OPCML: variants seen among roughly 807,000 people sequenced by gnomAD.
The protein encoded by OPCML is opioid-binding protein/cell adhesion molecule.
OPCML carries 13 observed loss-of-function variants against 37.8 expected under a neutral mutation model. The ratio of observed to expected loss-of-function variants is 0.34; its 90% CI spans 0.22 to 0.55. The LOEUF (loss-of-function observed/expected upper bound fraction) is 0.55, where lower values mean the gene tolerates loss of function less well. Among genes scored for constraint, OPCML ranks in the 20% least tolerant of loss-of-function variants. OPCML has a pLI of 0.91. For synonymous variants in OPCML, 176 were observed against 168.8 expected (o/e 1.04, Z -0.33); for missense variants, 341 against 435.6 (o/e 0.78, Z 1.93).
intron 2 of OPCML, among the ~76,000 whole-genome samples, chr11:132,870,632 C>T (rs377488348): frequency 2.6e-5 from 4 of 151,960 alleles, no homozygotes; most frequent in East Asian, 1.9e-4. Flanking sequence ...TGACAATAGC[C>T]GAGATAATAT....
At chr11:133,413,518 CA>C (rs1028392596) in intron 1 of OPCML, among the ~76,000 whole-genome samples, 1 of 150,894 alleles carries the variant, frequency 6.6e-6, no homozygotes, top group African/African-American at 2.4e-5. Context: ...TAAAAACAAA[CA>C]AAAAAAAGAA....
chr11:133,449,172 A>G (rs1946529552), intron 1 of OPCML, among the ~76,000 whole-genome samples: 1 of 152,256 alleles, frequency 6.6e-6, no homozygotes, highest in Non-Finnish European at 1.5e-5. Context: ...ACATGATCAT[A>G]GAAGATGTAC....
chr11:133,195,226 C>T (rs2136308962), intron 1 of OPCML, among the ~76,000 whole-genome samples: 1 of 152,260 alleles, frequency 6.6e-6, no homozygotes, highest in Non-Finnish European at 1.5e-5. Flanking sequence ...TTTAGTAAAA[C>T]TCTGACTGTT....
intron 2 of OPCML, among the ~76,000 whole-genome samples, chr11:132,936,755 G>A (rs1225254710): frequency 2.6e-5 from 4 of 152,126 alleles, no homozygotes; most frequent in Non-Finnish European, 4.4e-5. Context: ...GCATCAAGTA[G>A]GTAGTGTCAT....
At chr11:132,836,305 C>G (rs959482218) in intron 2 of OPCML, among the ~76,000 whole-genome samples, 7 of 152,114 alleles carry the variant, frequency 4.6e-5, no homozygotes, top group Non-Finnish European at 1.0e-4. Context: ...AATACCCTGC[C>G]TGCTCAGCAT....
At chr11:133,089,561 G>T (rs1465641442) in intron 1 of OPCML, among the ~76,000 whole-genome samples, 1 of 152,144 alleles carries the variant, frequency 6.6e-6, no homozygotes, top group Admixed American at 6.5e-5. Flanking sequence ...TTCTGACAAG[G>T]TCCCCACTCT....
At chr11:132,964,763 A>C (rs1300313393) in intron 1 of OPCML, among the ~76,000 whole-genome samples, 1 of 152,144 alleles carries the variant, frequency 6.6e-6, no homozygotes, top group African/African-American at 2.4e-5. Flanking sequence ...TTGACATGGA[A>C]TAGTGGGTAA....
chr11:133,413,130 G>A (rs1489648849), intron 1 of OPCML, among the ~76,000 whole-genome samples: 1 of 152,134 alleles, frequency 6.6e-6, no homozygotes, highest in East Asian at 1.9e-4. Flanking sequence ...GGAGGGCAGT[G>A]ATCACAGGGG....
chr11:133,296,226 G>T (rs1335535473), intron 1 of OPCML, among the ~76,000 whole-genome samples: 1 of 152,190 alleles, frequency 6.6e-6, no homozygotes, highest in East Asian at 1.9e-4. Context: ...CGTTTTCATT[G>T]ATTTGGCAGA....
At chr11:132,954,126 T>TTTTTG (rs1555061171) in intron 1 of OPCML, among the ~76,000 whole-genome samples, 1 of 151,036 alleles carries the variant, frequency 6.6e-6, no homozygotes, top group Non-Finnish European at 1.5e-5. Context: ...TTTCTTGGGT[T>TTTTTG]TTTTGTTTGT....
chr11:132,577,146 T>C (rs1362764044), intron 3 of OPCML, among the ~76,000 whole-genome samples: 2 of 152,182 alleles, frequency 1.3e-5, no homozygotes, highest in Non-Finnish European at 2.9e-5. Context: ...GTGAAATATT[T>C]TCACTTAACT....
chr11:132,604,593 A>G (rs1396537240), intron 3 of OPCML, among the ~76,000 whole-genome samples: 2 of 152,108 alleles, frequency 1.3e-5, no homozygotes, highest in East Asian at 3.9e-4. Context: ...AACTCAAACA[A>G]GACTTTCAAA....
In OPCML at chr11:133,168,891, G is replaced by A. The variant is rs543847206; in HGVS notation, c.62-225881C>T. Among the ~76,000 whole-genome samples the A allele has an allele frequency of 6.3e-4, 96 of 152,146 alleles. 4 individuals are homozygous for A. The South Asian group carries it at 0.016, about 25-fold the overall frequency. ...CTCCTGTAATCCCAGTACTTTGGGA[G>A]GCCAAGGCAGGTGGGTCACCTGAGG... is the stretch of plus-strand genomic sequence containing the variant. On this transcript the variant is annotated intron_variant, in intron 1 of 7. Coordinates refer to ENST00000524381, the MANE Select transcript of OPCML (RefSeq NM_001012393.5).
At chr11:132,937,432 A>G (rs1945412918) in intron 2 of OPCML, among the ~76,000 whole-genome samples, 1 of 152,090 alleles carries the variant, frequency 6.6e-6, no homozygotes, top group South Asian at 2.1e-4. Flanking sequence ...ATATATTTCT[A>G]ATGCTTTAAA....
At chr11:132,859,735 A>G (rs927594716) in intron 2 of OPCML, among the ~76,000 whole-genome samples, 4 of 152,238 alleles carry the variant, frequency 2.6e-5, no homozygotes, top group African/African-American at 9.6e-5. Flanking sequence ...GAGAGTACAC[A>G]ATGAAAATAT....
intron 1 of OPCML, among the ~76,000 whole-genome samples, chr11:133,156,689 A>C (rs969050939): frequency 6.6e-6 from 1 of 152,226 alleles, no homozygotes; most frequent in Non-Finnish European, 1.5e-5. Flanking sequence ...ATTATGAAGA[A>C]AATCCAATGT....
chr11:133,360,951 C>T (rs1436549960), intron 1 of OPCML: 1 of 152,408 alleles, frequency 6.6e-6, no homozygotes, highest in African/African-American at 2.4e-5. Flanking sequence ...ATGTGTGACA[C>T]GTGAAGTGCT....
At chr11:133,263,759 A>G (rs1480518546) in intron 1 of OPCML, among the ~76,000 whole-genome samples, 1 of 152,204 alleles carries the variant, frequency 6.6e-6, no homozygotes, top group Non-Finnish European at 1.5e-5. Flanking sequence ...ACTGCGACAG[A>G]CAGAGCCGCT....
intron 2 of OPCML, among the ~76,000 whole-genome samples, chr11:132,696,962 A>G (rs1943622119): frequency 6.6e-6 from 1 of 152,232 alleles, no homozygotes; most frequent in African/African-American, 2.4e-5. Context: ...CTAAGAATAA[A>G]GCAACATCGT....
Sources: allele counts gnomAD v4.1 joint callset (sites outside exome capture counted in the v4.1 genomes callset), GRCh38; gene constraint gnomAD v4.1.1; transcripts MANE v1.5; gene names NCBI Gene and HGNC (gene_info 2026-07-23, HGNC 2026-07-21).